ST8SIA1: variants seen among roughly 807,000 people sequenced by gnomAD.
ST8SIA1 encodes alpha-N-acetylneuraminide alpha-2,8-sialyltransferase.
A neutral mutation model predicts 35.9 loss-of-function variants in ST8SIA1; 16 were observed. That is an observed-to-expected ratio of 0.45 (90% CI 0.30 to 0.68). The LOEUF (loss-of-function observed/expected upper bound fraction) is 0.68. ST8SIA1 is among the 30% of genes least tolerant of loss of function. The pLI is 0.09. For synonymous variants in ST8SIA1, 170 were observed against 169.6 expected (o/e 1.00, Z -0.02); for missense variants, 383 against 453.6 (o/e 0.84, Z 1.41).
At chr12:22,326,256 T>A in intron 1 of ST8SIA1, 1 of 190,220 alleles carries the variant, frequency 5.3e-6, no homozygotes, top group Non-Finnish European at 1.1e-5. Context: ...GTTGAATGAA[T>A]GATTGAAATC....
At chr12:22,273,181 A>G (rs1229366517) in intron 2 of ST8SIA1, among the ~76,000 whole-genome samples, 9 of 152,136 alleles carry the variant, frequency 5.9e-5, no homozygotes, top group Admixed American at 5.9e-4. Context: ...TAAAGCCTGA[A>G]AGCCAAGCTA....
intron 4 of ST8SIA1, among the ~76,000 whole-genome samples, chr12:22,222,892 T>C (rs1002002633): frequency 2.6e-5 from 4 of 152,166 alleles, no homozygotes; most frequent in Non-Finnish European, 5.9e-5. Flanking sequence ...TAGCCTGTGC[T>C]ACCTCTAGTA....
At chr12:22,290,067 T>C (rs937576547) in intron 1 of ST8SIA1, among the ~76,000 whole-genome samples, 5 of 152,284 alleles carry the variant, frequency 3.3e-5, no homozygotes, top group Admixed American at 3.3e-4. Context: ...GGAAAACAAA[T>C]ACGCCATAGA....
intron 1 of ST8SIA1, chr12:22,325,461 T>C (rs1334795554): frequency 4.3e-6 from 3 of 702,160 alleles, no homozygotes; most frequent in Non-Finnish European, 7.8e-6. Flanking sequence ...ATGCCACAGC[T>C]AGAAGACAGT....
Position 22,198,735 on chromosome 12 carries a change from T to TGGTCTAATCCA in ST8SIA1, c.*2806_*2816dup, listed in dbSNP as rs1007749089. ...AGGTGGAACAATCAAAATTTCATTT[T>TGGTCTAATCCA]GGTCTAATCCAGGTCTAATCCAGGT... is the stretch of plus-strand genomic sequence containing the variant. On this transcript the variant is annotated 3_prime_UTR_variant, in exon 5 of 5. Transcript: ENST00000396037. The TGGTCTAATCCA allele has an allele frequency of 6.6e-6, 1 of 152,188 alleles. No homozygotes were observed. Among genetic ancestry groups the TGGTCTAATCCA allele is most frequent in the African/African-American group, 2.4e-5 (1 of 41,438 alleles). 9.4% of individuals were successfully genotyped at this position (152,188 alleles called of 1,614,324 possible). A position where few individuals can be genotyped will look rare whatever the true frequency, so the allele number is the denominator to read the frequency against.
rs539780448 is a variant in ST8SIA1 at position 22,257,842 on chromosome 12, A to T, written c.382-2453T>A. Among the ~76,000 whole-genome samples the T allele has an allele frequency of 3.3e-5, 5 of 152,230 alleles. No homozygotes were observed. In the South Asian group the frequency reaches 1.0e-3, roughly 32 times the overall value. On this transcript the variant is annotated intron_variant, in intron 2 of 4. Coordinates refer to ENST00000396037, the MANE Select transcript of ST8SIA1 (RefSeq NM_003034.4). ...GGTTTTTATTCTAAGATGAGAATCA[A>T]GTCAATGTTGGGTGTGCAAAGGAGT...
At chr12:22,297,154 A>G (rs1866256486) in intron 1 of ST8SIA1, among the ~76,000 whole-genome samples, 1 of 151,996 alleles carries the variant, frequency 6.6e-6, no homozygotes, top group Non-Finnish European at 1.5e-5. Flanking sequence ...TATGTCTGTG[A>G]AAGATGGGGA....
chr12:22,261,151 T>C (rs928477906), intron 2 of ST8SIA1, among the ~76,000 whole-genome samples: 1 of 151,950 alleles, frequency 6.6e-6, no homozygotes, highest in African/African-American at 2.4e-5. Context: ...TGAGGGTGTA[T>C]TTGTTTGTTT....
chr12:22,257,378 ATTTTTTTT>A (rs34136511), intron 2 of ST8SIA1, among the ~76,000 whole-genome samples: 14 of 118,598 alleles, frequency 1.2e-4, no homozygotes, highest in Admixed American at 3.6e-4. Context: ...TGCCCAGCTA[ATTTTTTTT>A]TTTTTTTTTT....
At chr12:22,317,984 T>G (rs1379795434) in intron 1 of ST8SIA1, among the ~76,000 whole-genome samples, 1 of 152,212 alleles carries the variant, frequency 6.6e-6, no homozygotes, top group Admixed American at 6.5e-5. Context: ...TGTCCCGGCA[T>G]AATTATGGCA....
rs531869685 is a variant in ST8SIA1, at chr12:22,322,450, A to T, written c.236+11547T>A. Among the ~76,000 whole-genome samples the T allele has an allele frequency of 5.3e-5, 8 of 152,356 alleles. No individual in the cohort carries two copies. The East Asian group carries it at 1.5e-3, about 29-fold the overall frequency. On this transcript the variant is annotated intron_variant, in intron 1 of 4. Coordinates refer to ENST00000396037, the MANE Select transcript of ST8SIA1 (RefSeq NM_003034.4). Reference sequence around the variant, plus strand: ...AATTAGCAGTGAATATTTAGAGCCTAGAGTCTTAATAATAGACAATAAATG... The same window carrying T: ...AATTAGCAGTGAATATTTAGAGCCTTGAGTCTTAATAATAGACAATAAATG...
In ST8SIA1 at chr12:22,213,836, AG is replaced by A. The variant is rs1479930251; in HGVS notation, c.585-11799del. ...CAGTAGGAGCTGGCTTGGGTAACTG[AG>A]TGTGGAGGGCTGATCTTTAGCTGGG... On this transcript the variant is annotated intron_variant, in intron 4 of 4. Coordinates refer to ENST00000396037, the MANE Select transcript of ST8SIA1 (RefSeq NM_003034.4). Among the ~76,000 whole-genome samples, 122 of 152,240 alleles carry A rather than the reference AG, an allele frequency of 8.0e-4. 1 individual carries two copies. Among genetic ancestry groups the A allele is most frequent in the Non-Finnish European group, 2.2e-4 (15 of 68,010 alleles).
Position 22,273,285 on chromosome 12 carries a change from C to T in ST8SIA1, c.381+13864G>A, listed in dbSNP as rs73270083. On this transcript the variant is annotated intron_variant, in intron 2 of 4. Coordinates refer to ENST00000396037, the MANE Select transcript of ST8SIA1 (RefSeq NM_003034.4). ...CCACCGTTCACCTATTTTTCATATA[C>T]CCACACTTTCCTAATTGGCTTTCTA... Among the ~76,000 whole-genome samples, 1,237 of 152,292 alleles carry T rather than the reference C, an allele frequency of 8.1e-3. 20 individuals are homozygous for T. Among genetic ancestry groups the T allele is most frequent in the African/African-American group, 0.029 (1,190 of 41,566 alleles).
intron 1 of ST8SIA1, among the ~76,000 whole-genome samples, chr12:22,318,206 A>C (rs143753966): frequency 1.3e-5 from 2 of 152,378 alleles, no homozygotes; most frequent in Non-Finnish European, 2.9e-5. Flanking sequence ...AACTCAAAAC[A>C]TTATCACATA....
chr12:22,216,383 C>A (rs1316639940), intron 4 of ST8SIA1, among the ~76,000 whole-genome samples: 1 of 152,148 alleles, frequency 6.6e-6, no homozygotes, highest in Non-Finnish European at 1.5e-5. Flanking sequence ...CCTTGCCCTG[C>A]CCGATTACTT....
At chr12:22,225,883 C>G (rs578031033) in intron 4 of ST8SIA1, among the ~76,000 whole-genome samples, 1 of 152,284 alleles carries the variant, frequency 6.6e-6, no homozygotes, top group Admixed American at 6.5e-5. Flanking sequence ...ATTAACATCA[C>G]AATGGCAGCT....
In ST8SIA1 at chr12:22,201,809, G is replaced by A. The variant is rs1188359454; in HGVS notation, c.814C>T (p.Arg272Cys). ...FWKSRGIHAK[R>C]LSTGLFLVSA... ...ACCAGAAAAAGTCCTGTGGACAGGC[G>A]CTTGGCATGGATTCCTCTACTTTTC... Residue 272 changes from arginine (R) to cysteine (C), a missense_variant, in exon 5 of 5, where the codon CGC (arginine) becomes TGC (cysteine). Arg to Cys is a radical substitution (Grantham distance 180). Coordinates refer to ENST00000396037, the MANE Select transcript of ST8SIA1 (RefSeq NM_003034.4). 5.0e-6 allele frequency: 8 copies of A among 1,614,136 alleles called. No homozygotes were observed. The highest frequency in any genetic ancestry group is 2.2e-5 in the East Asian group (1 of 44,890).
chr12:22,244,998 T>A (rs1865583682), intron 4 of ST8SIA1, among the ~76,000 whole-genome samples: 1 of 152,216 alleles, frequency 6.6e-6, no homozygotes, highest in African/African-American at 2.4e-5. Context: ...CACTGCTCAG[T>A]TGGTTTATCC....
intron 4 of ST8SIA1, among the ~76,000 whole-genome samples, chr12:22,209,209 A>T (rs1865149104): frequency 6.6e-6 from 1 of 152,198 alleles, no homozygotes; most frequent in Non-Finnish European, 1.5e-5. Context: ...ATTAGTATCA[A>T]GGATACAAAT....
Sources: allele counts gnomAD v4.1 joint callset (sites outside exome capture counted in the v4.1 genomes callset), GRCh38; gene constraint gnomAD v4.1.1; transcripts MANE v1.5; gene names NCBI Gene and HGNC (gene_info 2026-07-23, HGNC 2026-07-21).